SOX6: variants seen among roughly 807,000 people sequenced by gnomAD.
SOX6 encodes SRY-box transcription factor 6, also known as transcription factor SOX-6.
Under a neutral mutation model 97.8 loss-of-function variants are expected in SOX6, and 11 were observed. That is an observed-to-expected ratio of 0.11 (90% CI 0.07 to 0.19). The LOEUF (loss-of-function observed/expected upper bound fraction) is 0.19. Among genes scored for constraint, SOX6 ranks in the 10% least tolerant of loss-of-function variants. The pLI, the probability that SOX6 is intolerant of heterozygous loss-of-function variation, is 1.00. For missense variants in SOX6, 810 were observed against 1,039.5 expected, an observed-to-expected ratio of 0.78 and a Z score of 3.04; for synonymous variants, 360 against 371.4, an observed-to-expected ratio of 0.97 and a Z score of 0.35.
chr11:16,699,374 C>A (rs1404971679), intron 3 of SOX6, among the ~76,000 whole-genome samples: 1 of 152,006 alleles, frequency 6.6e-6, no homozygotes, highest in Admixed American at 6.6e-5. Context: ...CAGAACATCA[C>A]GCTGCCACCA....
intron 3 of SOX6, among the ~76,000 whole-genome samples, chr11:16,237,104 T>C (rs973313751): frequency 2.0e-5 from 3 of 151,952 alleles, no homozygotes; most frequent in Non-Finnish European, 4.4e-5. Context: ...CATACAAGCT[T>C]ATCAATGTTT....
intron 6 of SOX6, among the ~76,000 whole-genome samples, chr11:16,162,467 C>T (rs1850774978): frequency 1.3e-5 from 2 of 152,204 alleles, no homozygotes; most frequent in Admixed American, 1.3e-4. Flanking sequence ...GTGTGGATCC[C>T]ACGTGGCTTG....
upstream of SOX6, among the ~76,000 whole-genome samples, chr11:16,478,097 T>C (rs1358014177): frequency 2.0e-5 from 3 of 152,260 alleles, no homozygotes; most frequent in Admixed American, 6.5e-5. Context: ...CGCTGAGTTA[T>C]AAATTATAAT....
At chr11:16,639,983 G>C (rs377024296) in intron 3 of SOX6, among the ~76,000 whole-genome samples, 39 of 152,080 alleles carry the variant, frequency 2.6e-4, no homozygotes, top group South Asian at 2.1e-4. Context: ...TCCCTGTCTT[G>C]TGCCAGTTTT....
At chr11:16,486,731 C>T (rs543842773) in intron 4 of SOX6, among the ~76,000 whole-genome samples, 2 of 151,988 alleles carry the variant, frequency 1.3e-5, no homozygotes, top group South Asian at 4.2e-4. Context: ...CATGATAGTC[C>T]CGGCTACTCA....
At chr11:16,131,193 C>T (rs1849731285) in intron 6 of SOX6, among the ~76,000 whole-genome samples, 1 of 148,012 alleles carries the variant, frequency 6.8e-6, no homozygotes, top group Non-Finnish European at 1.5e-5. Context: ...AAATATCTGC[C>T]AAAAAGAAAA....
chr11:16,686,489 T>G (rs1847970409), intron 3 of SOX6, among the ~76,000 whole-genome samples: 1 of 152,208 alleles, frequency 6.6e-6, no homozygotes, highest in South Asian at 2.1e-4. Flanking sequence ...CAATACACAA[T>G]ACAGCCAAGT....
chr11:16,508,420 C>A (rs1054825920), intron 4 of SOX6, among the ~76,000 whole-genome samples: 13 of 152,096 alleles, frequency 8.5e-5, no homozygotes, highest in South Asian at 4.1e-4. Context: ...TACTGCAGCA[C>A]TATTCACTGT....
chr11:16,732,169 T>C (rs1281506873), intron 2 of SOX6, among the ~76,000 whole-genome samples: 1 of 152,158 alleles, frequency 6.6e-6, no homozygotes, highest in East Asian at 1.9e-4. Flanking sequence ...ACTGCCCAAG[T>C]TAATTTATAG....
At chr11:16,520,859 C>T (rs1238160157) in intron 4 of SOX6, among the ~76,000 whole-genome samples, 4 of 152,218 alleles carry the variant, frequency 2.6e-5, no homozygotes, top group South Asian at 2.1e-4. Flanking sequence ...TCTACGCCCA[C>T]GGAGTCTCGC....
intron 14 of SOX6, among the ~76,000 whole-genome samples, chr11:15,988,302 C>T (rs1853931419): frequency 6.6e-6 from 1 of 152,208 alleles, no homozygotes; most frequent in Non-Finnish European, 1.5e-5. Context: ...GCAAGCTCTA[C>T]ACTAATAGAA....
At chr11:16,265,997 A>G (rs1021773677) in intron 3 of SOX6, among the ~76,000 whole-genome samples, 2 of 151,846 alleles carry the variant, frequency 1.3e-5, no homozygotes, top group African/African-American at 2.4e-5. Context: ...GTCCTCAAAT[A>G]TAAGGAGAGA....
intron 4 of SOX6, among the ~76,000 whole-genome samples, chr11:16,585,889 C>T (rs1381976807): frequency 6.6e-6 from 1 of 151,894 alleles, no homozygotes; most frequent in Admixed American, 6.6e-5. Flanking sequence ...TGCCATGTTT[C>T]CCAGGCTGGT....
At chr11:16,291,563 A>G (rs1379625022) in intron 3 of SOX6, among the ~76,000 whole-genome samples, 1 of 151,942 alleles carries the variant, frequency 6.6e-6, no homozygotes, top group Non-Finnish European at 1.5e-5. Flanking sequence ...GGTGCTATTT[A>G]AACTGAGTTA....
Position 15,972,018 on chromosome 11 carries a change from C to T in SOX6, c.*791G>A, listed in dbSNP as rs1031667488. The T allele has an allele frequency of 1.3e-5, 2 of 152,586 alleles. No individual in the cohort carries two copies. The highest frequency in any genetic ancestry group is 6.6e-5 in the Admixed American group (1 of 15,266). The allele number at this position is 152,586 out of a possible 1,614,324, so 9.5% of individuals were successfully genotyped here. On this transcript the variant is annotated 3_prime_UTR_variant, in exon 16 of 16. Coordinates refer to ENST00000683767, the MANE Select transcript of SOX6 (RefSeq NM_001367873.1). ...GGTGTGTGTATGTCATACCACATCA[C>T]GCACTGATGGCACGTCAACAGGCAA...
At chr11:16,413,762 C>T (rs1369890069) in intron 1 of SOX6, among the ~76,000 whole-genome samples, 2 of 151,656 alleles carry the variant, frequency 1.3e-5, no homozygotes, top group Non-Finnish European at 2.9e-5. Flanking sequence ...CTCAGGTGAT[C>T]CGCCCACCTC....
At chr11:16,576,432 T>A (rs1304544200) in intron 4 of SOX6, among the ~76,000 whole-genome samples, 1 of 152,144 alleles carries the variant, frequency 6.6e-6, no homozygotes, top group African/African-American at 2.4e-5. Context: ...CCACATGATA[T>A]AAAATCCCAC....
chr11:16,094,282 C>T (rs1333950600), intron 9 of SOX6, among the ~76,000 whole-genome samples: 1 of 149,320 alleles, frequency 6.7e-6, no homozygotes, highest in Non-Finnish European at 1.5e-5. Flanking sequence ...CCAGATTTGA[C>T]ACATCAGGGA....
intron 9 of SOX6, among the ~76,000 whole-genome samples, chr11:16,056,724 C>G (rs957052690): frequency 3.9e-5 from 6 of 152,136 alleles, no homozygotes; most frequent in African/African-American, 1.4e-4. Context: ...GATCTTATTA[C>G]TCATTCTATT....
Sources: gnomAD v4.1 joint callset for allele counts (sites outside exome capture counted in the v4.1 genomes callset) on GRCh38, gnomAD v4.1.1 for gene constraint, MANE v1.5 for transcripts, NCBI Gene and HGNC (gene_info 2026-07-23, HGNC 2026-07-21) for gene names.